The following HGD variants were observed in gnomAD, a reference collection of about 807,000 sequenced individuals.
HGD encodes the protein homogentisate oxidase.
In HGD, 61 loss-of-function variants were observed where a neutral mutation model predicts 60.8. The ratio of observed to expected loss-of-function variants is 1.00; its 90% CI spans 0.82 to 1.24. HGD has a LOEUF of 1.24. HGD is among the 50% of genes most tolerant of loss of function. The pLI is 0.00. For synonymous variants in HGD, 212 were observed against 187.7 expected, an observed-to-expected ratio of 1.13 and a Z score of -1.06; for missense variants, 542 against 547.1, an observed-to-expected ratio of 0.99 and a Z score of 0.09.
chr3:120,633,997 G>A (rs984958282), intron 12 of HGD, among the ~76,000 whole-genome samples: 2 of 152,038 alleles, frequency 1.3e-5, no homozygotes, highest in Non-Finnish European at 2.9e-5. Flanking sequence ...AATGTCTTTT[G>A]GATTTGTTTT....
chr3:120,630,530 C>T (rs758363458), intron 13 of HGD, among the ~76,000 whole-genome samples: 2 of 151,894 alleles, frequency 1.3e-5, no homozygotes, highest in African/African-American at 2.4e-5. Flanking sequence ...GGGGAAAGGA[C>T]TATCTATTCA....
chr3:120,650,643 G>A (rs562618190), intron 6 of HGD, 131 bp downstream of exon 6: 2 of 756,504 alleles, frequency 2.6e-6, no homozygotes, highest in Admixed American at 1.8e-5. Flanking sequence ...ATTGCCTTGA[G>A]GAGAAAACCA....
At chr3:120,630,918 C>A (rs1940574885) in intron 13 of HGD, among the ~76,000 whole-genome samples, 1 of 147,886 alleles carries the variant, frequency 6.8e-6, no homozygotes, top group Admixed American at 6.8e-5. Context: ...AGAACAAGAT[C>A]ATGTGTTTCT....
At chr3:120,678,334 A>G (rs998198503) in intron 1 of HGD, among the ~76,000 whole-genome samples, 2 of 152,216 alleles carry the variant, frequency 1.3e-5, no homozygotes, top group African/African-American at 4.8e-5. Flanking sequence ...GGAATTTTAG[A>G]CCAGCCTGTG....
chr3:120,650,999 A>T lies in HGD; in HGVS notation c.343-134T>A, dbSNP rs1941326429. 3.9e-6 allele frequency: 3 copies of T among 775,028 alleles called. No individual in the cohort carries two copies. The African/African-American group carries it at 5.1e-5, about 13-fold the overall frequency. The allele number at this position is 775,028 out of a possible 1,614,324, so 48.0% of individuals were successfully genotyped here. On this transcript the variant is annotated intron_variant, in intron 5 of 13. Transcript: ENST00000283871. ...CTTTGGGACCGGTGGGACGTTTGGA[A>T]TCCAGGCAGCCTCTAAGGAGCCTGA...
intron 12 of HGD, among the ~76,000 whole-genome samples, chr3:120,637,608 G>GTC (rs772618539): frequency 3.5e-5 from 5 of 140,896 alleles, no homozygotes; most frequent in African/African-American, 5.4e-5. Flanking sequence ...CTGTCTCTCT[G>GTC]TCTCTCTCTC....
At chr3:120,670,628 G>C (rs182530320) in intron 3 of HGD, 96 bp from the exon 4 acceptor site, 2 of 786,270 alleles carry the variant, frequency 2.5e-6, no homozygotes, top group Admixed American at 3.5e-5. Context: ...AGACACTCAA[G>C]TCAACAACGA....
intron 1 of HGD, among the ~76,000 whole-genome samples, chr3:120,678,903 C>T (rs4676821): frequency 0.14 from 21,138 of 152,128 alleles, 1,706 homozygotes; most frequent in Middle Eastern, 0.23. Flanking sequence ...TTATCAGCTG[C>T]GAAAATCCAA....
intron 8 of HGD, 65 bp from the exon 9 acceptor site, chr3:120,646,431 C>G (rs1391407719): frequency 2.4e-5 from 25 of 1,027,946 alleles, no homozygotes; most frequent in Non-Finnish European, 1.5e-6. Context: ...AAGAAGCTGC[C>G]CAGAGCCATA....
At position 120,633,256 on chromosome 3, in the gene HGD, C is replaced by A. The variant is rs1172885188; in HGVS notation, c.1079G>T (p.Gly360Val). The stretch of plus-strand genomic sequence containing the variant: ...CATTGTGCTGTGTAGACTCCCTCCC[C>A]CTGGCAGGAACCCACCTTGCTTTGC... The part of the protein sequence containing the change: ...YEAKQGGFLP[G>V]GGSLHSTMTP... The change falls in exon 13 of 14, where the codon GGG becomes GTG. Residue 360 changes from glycine to valine, a missense_variant. Physicochemically the swap from Gly to Val is moderately radical, Grantham distance 109 (BLOSUM62 -3). Transcript: ENST00000283871. 2 of 1,613,892 alleles carry A rather than the reference C, an allele frequency of 1.2e-6. No homozygotes were observed. The highest frequency in any genetic ancestry group is 1.7e-6 in the Non-Finnish European group (2 of 1,179,998).
In HGD at chr3:120,642,218, T is replaced by A. The variant is rs148081005; in HGVS notation, c.775-525A>T. 3.2e-3 allele frequency among the ~76,000 whole-genome samples: 482 copies of A among 152,350 alleles called. 2 individuals are homozygous for A. Among genetic ancestry groups the A allele is most frequent in the African/African-American group, 9.6e-3 (399 of 41,584 alleles). On this transcript the variant is annotated intron_variant, in intron 10 of 13. Coordinates refer to ENST00000283871, the MANE Select transcript of HGD (RefSeq NM_000187.4). ...AGAGCAATCCTAACATAATACTTCC[T>A]GGTCCTGTCCTGGGGTAGAAGAGGA...
intron 12 of HGD, 132 bp downstream of exon 12, chr3:120,638,323 G>T: frequency 9.1e-7 from 1 of 1,102,850 alleles, no homozygotes; most frequent in Non-Finnish European, 1.4e-6. Context: ...ACTAGGCCTT[G>T]TGCAGCAGGA....
At chr3:120,644,212 A>G in intron 10 of HGD, 107 bp downstream of exon 10, 1 of 1,325,790 alleles carries the variant, frequency 7.5e-7, no homozygotes. Flanking sequence ...TAGTGGTATG[A>G]TAACAACGAA....
intron 6 of HGD, among the ~76,000 whole-genome samples, chr3:120,649,330 A>G (rs1055987172): frequency 2.6e-5 from 4 of 151,094 alleles, no homozygotes; most frequent in Admixed American, 1.3e-4. Context: ...TTTTTAGTAG[A>G]GATGGGGTTT....
chr3:120,647,850 A>AG, intron 7 of HGD, 27 bp downstream of exon 7: 1 of 1,585,258 alleles, frequency 6.3e-7, no homozygotes, highest in South Asian at 1.1e-5. Context: ...ATTAACAGTG[A>AG]GGGGGTCTGA....
chr3:120,665,339 G>C (rs751911733), intron 4 of HGD, among the ~76,000 whole-genome samples: 1 of 152,160 alleles, frequency 6.6e-6, no homozygotes, highest in Non-Finnish European at 1.5e-5. Context: ...ACTGAGTCAA[G>C]AATCTGATTT....
chr3:120,662,555 C>T (rs1414067793), intron 4 of HGD, among the ~76,000 whole-genome samples: 1 of 152,068 alleles, frequency 6.6e-6, no homozygotes, highest in African/African-American at 2.4e-5. Context: ...TCAACAAGTC[C>T]CCTGGTAACT....
At chr3:120,636,390 C>A (rs572572793) in intron 12 of HGD, among the ~76,000 whole-genome samples, 1 of 152,254 alleles carries the variant, frequency 6.6e-6, no homozygotes, top group East Asian at 1.9e-4. Flanking sequence ...GGATGGAGCC[C>A]AGTAATCTGT....
At chr3:120,641,739 T>C (rs1034587454) in intron 10 of HGD, 46 bp from the exon 11 acceptor site, 1 of 1,256,206 alleles carries the variant, frequency 8.0e-7, no homozygotes, top group Non-Finnish European at 1.2e-6. Flanking sequence ...TCTAATGCTT[T>C]TGTAGCTGTG....
Sources: gnomAD v4.1 joint callset for allele counts (sites outside exome capture counted in the v4.1 genomes callset) on GRCh38, gnomAD v4.1.1 for gene constraint, MANE v1.5 for transcripts, NCBI Gene and HGNC (gene_info 2026-07-23, HGNC 2026-07-21) for gene names.